The following SERPINB12 variants were observed in gnomAD, a reference collection of about 807,000 sequenced individuals.
SERPINB12 encodes serpin B12.
In SERPINB12, 57 loss-of-function variants were observed where a neutral mutation model predicts 41.1. The observed-to-expected ratio is 1.39, with a 90% CI of 1.12 to 1.73. The LOEUF is 1.73. Ranked by LOEUF, SERPINB12 falls within the 40% of genes most tolerant of loss-of-function variation. The pLI is 0.00. For synonymous variants in SERPINB12, 180 were observed against 181.3 expected, an observed-to-expected ratio of 0.99 and a Z score of 0.06; for missense variants, 536 against 501.9, an observed-to-expected ratio of 1.07 and a Z score of -0.65.
At chr18:63,548,517 C>T (rs985505721) in intron 1 of SERPINB12, among the ~76,000 whole-genome samples, 9 of 151,454 alleles carry the variant, frequency 5.9e-5, no homozygotes, top group Non-Finnish European at 1.3e-4. Flanking sequence ...TCTATAATAA[C>T]AATAAAGAAA....
At position 63,568,673 on chromosome 18, in the gene SERPINB12, C is replaced by T. The variant is rs1911195812; in HGVS notation, c.*1662C>T. Among the ~76,000 whole-genome samples the T allele has an allele frequency of 6.6e-6, 1 of 152,166 alleles. No individual in the cohort carries two copies. Among genetic ancestry groups the T allele is most frequent in the Non-Finnish European group, 1.5e-5 (1 of 68,040 alleles). On this transcript the variant is annotated 3_prime_UTR_variant, in exon 8 of 8. Transcript: ENST00000382768. Reference sequence around the variant, plus strand: ...TTGCTTGCGGCTCAGTTTCCTTGGCCCACCTTGTGGCTGTCCTCCTCCCAG... The same window carrying T: ...TTGCTTGCGGCTCAGTTTCCTTGGCTCACCTTGTGGCTGTCCTCCTCCCAG...
In SERPINB12 at chr18:63,566,846, G is replaced by A. The variant is rs752941543; in HGVS notation, c.1113G>A (p.Glu371=). 12 of 1,614,150 alleles carry A rather than the reference G, an allele frequency of 7.4e-6. No individual in the cohort carries two copies. In the South Asian group the frequency reaches 1.1e-4, roughly 15 times the overall value. ...AAATTATCCACAAAACCTTTGTGGA[G>A]GTGGATGAAAACGGTACCCAGGCAG... The part of the protein sequence containing the change: ...LSKIIHKTFV[E]VDENGTQAAA... Residue 371 remains glutamate, a synonymous_variant, in exon 8 of 8, where the codon GAG becomes GAA. Coordinates refer to ENST00000382768, the MANE Select transcript of SERPINB12 (RefSeq NM_001307928.2).
chr18:63,532,729 TC>T, the SERPINB12 span, among the ~76,000 whole-genome samples: 1 of 152,126 alleles, frequency 6.6e-6, no homozygotes, highest in Non-Finnish European at 1.5e-5. Context: ...GTTGCTAACC[TC>T]TCAGGGTGTG....
chr18:63,553,947 C>CA (rs1910596224), intron 1 of SERPINB12, among the ~76,000 whole-genome samples: 1 of 152,058 alleles, frequency 6.6e-6, no homozygotes, highest in African/African-American at 2.4e-5. Flanking sequence ...ATCCATTACT[C>CA]AAAAAACACC....
intron 6 of SERPINB12, 89 bp from the exon 7 acceptor site, chr18:63,565,356 A>G: frequency 1.6e-6 from 2 of 1,238,028 alleles, no homozygotes; most frequent in South Asian, 1.5e-5. Flanking sequence ...TCTCATCTTT[A>G]GGAACCCCTG....
At chr18:63,551,126 G>T (rs1311360105) in intron 1 of SERPINB12, among the ~76,000 whole-genome samples, 2 of 151,648 alleles carry the variant, frequency 1.3e-5, no homozygotes, top group African/African-American at 2.4e-5. Flanking sequence ...AAAATTAGCC[G>T]GTTGTAGTGG....
At chr18:63,536,247 G>T in the SERPINB12 span, among the ~76,000 whole-genome samples, 1 of 151,706 alleles carries the variant, frequency 6.6e-6, no homozygotes, top group Admixed American at 6.6e-5. Context: ...CATACGTTTT[G>T]AAAGAAATAA....
At chr18:63,519,147 C>T in the SERPINB12 span, among the ~76,000 whole-genome samples, 6 of 152,102 alleles carry the variant, frequency 3.9e-5, no homozygotes, top group Non-Finnish European at 8.8e-5. Context: ...AAGGCACTGC[C>T]CAAAAGCACT....
At chr18:63,530,657 A>T in the SERPINB12 span, among the ~76,000 whole-genome samples, 1 of 152,218 alleles carries the variant, frequency 6.6e-6, no homozygotes, top group Non-Finnish European at 1.5e-5. Flanking sequence ...GCTTGACAAC[A>T]TAATCAGGCC....
the SERPINB12 span, among the ~76,000 whole-genome samples, chr18:63,529,099 C>T: frequency 6.6e-6 from 1 of 152,116 alleles, no homozygotes; most frequent in Non-Finnish European, 1.5e-5. Context: ...GACTAAATAA[C>T]AAACAGAGAG....
At chr18:63,554,467 T>C (rs1227147510) in intron 1 of SERPINB12, among the ~76,000 whole-genome samples, 1 of 152,208 alleles carries the variant, frequency 6.6e-6, no homozygotes, top group African/African-American at 2.4e-5. Context: ...AATTACACCA[T>C]TCCATTCAAT....
rs866646756 is a variant in SERPINB12, at chr18:63,567,087, T to C, written c.*76T>C. ...TCTTCCCCTGGCATAAGATGGGCAT[T>C]TGAGTTTTTGGTAATATCTAAAGCA... On this transcript the variant is annotated 3_prime_UTR_variant, in exon 8 of 8. Coordinates refer to ENST00000382768, the MANE Select transcript of SERPINB12 (RefSeq NM_001307928.2). The C allele has an allele frequency of 2.4e-5, 35 of 1,431,602 alleles. No homozygotes were observed. The highest frequency in any genetic ancestry group is 7.0e-5 in the South Asian group (5 of 71,296). 88.7% of individuals were successfully genotyped at this position (1,431,602 alleles called of 1,614,324 possible).
intron 1 of SERPINB12, among the ~76,000 whole-genome samples, 52 bp downstream of exon 1, chr18:63,542,544 C>T (rs958923889): frequency 6.6e-6 from 1 of 152,172 alleles, no homozygotes; most frequent in African/African-American, 2.4e-5. Flanking sequence ...CCTCTGGGGG[C>T]TAGTTGTCCT....
chr18:63,565,578 C>A lies in SERPINB12; in HGVS notation c.839C>A (p.Ser280Tyr). ...GKLSMFVLLP[S>Y]HSKDNLKGLE... is the part of the protein sequence containing the mutation. ...CTCAGCATGTTCGTGCTGCTGCCATCTCACTCTAAAGATAACCTGAAGGGT... is the reference window on the plus strand; with the variant it reads ...CTCAGCATGTTCGTGCTGCTGCCATATCACTCTAAAGATAACCTGAAGGGT... The change falls in exon 7 of 8, where the codon TCT (serine) becomes TAT (tyrosine). Residue 280 changes from serine to tyrosine, a missense_variant. Ser to Tyr is a moderately radical substitution (Grantham distance 144, BLOSUM62 -2). Coordinates refer to ENST00000382768, the MANE Select transcript of SERPINB12 (RefSeq NM_001307928.2). The A allele has an allele frequency of 1.2e-6, 2 of 1,614,020 alleles. No individual in the cohort carries two copies. The highest frequency in any genetic ancestry group is 1.7e-6 in the Non-Finnish European group (2 of 1,179,944).
rs779586310 is a variant in SERPINB12 at position 63,558,391 on chromosome 18, G to T, written c.208G>T (p.Glu70Ter). The T allele has an allele frequency of 2.5e-6, 4 of 1,613,698 alleles. No individual in the cohort carries two copies. The East Asian group carries it at 6.7e-5, about 27-fold the overall frequency. Residue 70 changes from glutamate to a stop codon, truncating the protein, a stop_gained, in exon 3 of 8, where the codon GAA becomes TAA. Transcript: ENST00000382768. LOFTEE classifies it high-confidence loss of function. ...FNEFSQNESK[E>*]PDPCLKSNKQ... is the part of the protein sequence containing the mutation. ...CGAATTTTCCCAGAATGAAAGCAAAGAACCTGACCCTTGTCTGAAAAGCAA... is the reference window on the plus strand; with the variant it reads ...CGAATTTTCCCAGAATGAAAGCAAATAACCTGACCCTTGTCTGAAAAGCAA...
chr18:63,544,332 T>C (rs1312883976), intron 1 of SERPINB12, among the ~76,000 whole-genome samples: 2 of 152,224 alleles, frequency 1.3e-5, no homozygotes, highest in African/African-American at 4.8e-5. Flanking sequence ...GATAATGTTA[T>C]AAAGATTTGG....
intron 1 of SERPINB12, among the ~76,000 whole-genome samples, chr18:63,555,444 C>A (rs1251630022): frequency 1.3e-5 from 2 of 152,164 alleles, no homozygotes; most frequent in Non-Finnish European, 2.9e-5. Flanking sequence ...TAGCCTTTGG[C>A]TTCATTTTAC....
the SERPINB12 span, among the ~76,000 whole-genome samples, chr18:63,524,148 A>G: frequency 6.8e-4 from 103 of 152,340 alleles, no homozygotes; most frequent in African/African-American, 2.4e-3. Flanking sequence ...GAAAAGATCA[A>G]CACTTTAAGT....
At chr18:63,556,656 C>G (rs757836939) in intron 2 of SERPINB12, among the ~76,000 whole-genome samples, 1 of 152,088 alleles carries the variant, frequency 6.6e-6, no homozygotes, top group Non-Finnish European at 1.5e-5. Context: ...ATATTGCTAG[C>G]GATTTTTAGT....
Sources: gnomAD v4.1 joint callset for allele counts (sites outside exome capture counted in the v4.1 genomes callset) on GRCh38, gnomAD v4.1.1 for gene constraint, MANE v1.5 for transcripts, NCBI Gene and HGNC (gene_info 2026-07-23, HGNC 2026-07-21) for gene names.